Variants in ADAMTSL1 observed in about 807,000 individuals in gnomAD.
ADAMTSL1 encodes ADAMTS-like protein 1.
In ADAMTSL1, 126 loss-of-function variants were observed where a neutral mutation model predicts 201.8. That is an observed-to-expected ratio of 0.62 (90% CI 0.54 to 0.72). ADAMTSL1 has a LOEUF of 0.72. ADAMTSL1 is among the 30% of genes least tolerant of loss of function. The pLI, the probability that ADAMTSL1 is intolerant of heterozygous loss-of-function variation, is 0.00. For synonymous variants in ADAMTSL1, 1,121 were observed against 903.4 expected (o/e 1.24, Z -4.32); for missense variants, 2,679 against 2,277.8 (o/e 1.18, Z -3.59).
At chr9:18,449,038 C>T (rs1421713293) in intron 2 of ADAMTSL1, among the ~76,000 whole-genome samples, 1 of 151,732 alleles carries the variant, frequency 6.6e-6, no homozygotes, top group East Asian at 1.9e-4. Flanking sequence ...AGTGGATAAA[C>T]ATTTCTTGCC....
intron 2 of ADAMTSL1, among the ~76,000 whole-genome samples, chr9:18,379,447 C>T (rs766744482): frequency 3.9e-5 from 6 of 152,216 alleles, no homozygotes; most frequent in Non-Finnish European, 7.3e-5. Flanking sequence ...ACAAAATCCA[C>T]TGTTTTTGCT....
At chr9:18,873,400 G>C (rs1199307320) in intron 23 of ADAMTSL1, among the ~76,000 whole-genome samples, 1 of 152,038 alleles carries the variant, frequency 6.6e-6, no homozygotes, top group South Asian at 2.1e-4. Flanking sequence ...GGTTTTTCCA[G>C]TGTTACCTTC....
chr9:18,106,554 G>A (rs1376046127), intron 1 of ADAMTSL1, among the ~76,000 whole-genome samples: 4 of 152,184 alleles, frequency 2.6e-5, no homozygotes, highest in Non-Finnish European at 4.4e-5. Flanking sequence ...AAGACAGCCC[G>A]AGTTTAAGAT....
intron 3 of ADAMTSL1, among the ~76,000 whole-genome samples, chr9:18,555,705 A>T (rs1431426752): frequency 6.6e-6 from 1 of 152,008 alleles, no homozygotes; most frequent in Non-Finnish European, 1.5e-5. Context: ...CCAGGAAGTG[A>T]CACTTGAGCT....
At chr9:18,583,220 A>G (rs1012435516) in intron 4 of ADAMTSL1, among the ~76,000 whole-genome samples, 100 of 152,286 alleles carry the variant, frequency 6.6e-4, no homozygotes, top group Non-Finnish European at 7.8e-4. Context: ...CAGGATCCCC[A>G]TGCTGTGTGC....
chr9:18,888,837 A>G (rs370376499), intron 24 of ADAMTSL1, among the ~76,000 whole-genome samples: 47 of 152,360 alleles, frequency 3.1e-4, no homozygotes, highest in East Asian at 2.5e-3. Flanking sequence ...TTTTCTTCTT[A>G]AATATCCTCC....
At chr9:17,918,407 A>C (rs1826184911) in intron 1 of ADAMTSL1, among the ~76,000 whole-genome samples, 1 of 151,542 alleles carries the variant, frequency 6.6e-6, no homozygotes, top group African/African-American at 2.4e-5. Flanking sequence ...CTATTTAGAA[A>C]TGGTTGTTTG....
intron 2 of ADAMTSL1, among the ~76,000 whole-genome samples, chr9:18,520,337 A>G (rs967984414): frequency 1.3e-5 from 2 of 152,234 alleles, no homozygotes; most frequent in Non-Finnish European, 2.9e-5. Context: ...AGTCTCCACA[A>G]TAAGTTTTAG....
chr9:18,539,434 G>T (rs940011921), intron 3 of ADAMTSL1, among the ~76,000 whole-genome samples: 1 of 152,172 alleles, frequency 6.6e-6, no homozygotes, highest in African/African-American at 2.4e-5. Flanking sequence ...GCATACTCAG[G>T]GTCTGGCATT....
At chr9:18,606,744 C>T (rs1746820534) in intron 4 of ADAMTSL1, among the ~76,000 whole-genome samples, 1 of 152,166 alleles carries the variant, frequency 6.6e-6, no homozygotes, top group African/African-American at 2.4e-5. Context: ...CACCGTACTT[C>T]ATAAACACCA....
intron 23 of ADAMTSL1, among the ~76,000 whole-genome samples, chr9:18,830,633 A>G (rs1159257154): frequency 1.3e-5 from 2 of 152,084 alleles, no homozygotes; most frequent in African/African-American, 2.4e-5. Flanking sequence ...GGGCCCCCAC[A>G]CGAGAATCAT....
At chr9:18,701,022 G>C (rs1831891186) in intron 13 of ADAMTSL1, among the ~76,000 whole-genome samples, 1 of 152,002 alleles carries the variant, frequency 6.6e-6, no homozygotes, top group Non-Finnish European at 1.5e-5. Flanking sequence ...CTAGCTACAG[G>C]GCAACAATCA....
intron 2 of ADAMTSL1, among the ~76,000 whole-genome samples, chr9:18,191,210 G>A (rs1009267551): frequency 6.6e-6 from 1 of 152,070 alleles, no homozygotes; most frequent in East Asian, 1.9e-4. Context: ...CGGGGATAGG[G>A]GTCAGGGAAA....
intron 13 of ADAMTSL1, among the ~76,000 whole-genome samples, chr9:18,704,595 A>T (rs957963005): frequency 6.6e-6 from 1 of 152,238 alleles, no homozygotes; most frequent in Non-Finnish European, 1.5e-5. Flanking sequence ...TGATAAAATT[A>T]AATGCTTGTG....
intron 2 of ADAMTSL1, among the ~76,000 whole-genome samples, chr9:18,409,577 T>C (rs1431780000): frequency 2.6e-5 from 4 of 151,136 alleles, no homozygotes; most frequent in Non-Finnish European, 4.4e-5. Flanking sequence ...ATATACAGGG[T>C]TAAAATTTTT....
At chr9:18,217,596 G>T (rs1830099282) in intron 2 of ADAMTSL1, among the ~76,000 whole-genome samples, 1 of 152,036 alleles carries the variant, frequency 6.6e-6, no homozygotes, top group Non-Finnish European at 1.5e-5. Context: ...CAGATATATG[G>T]ACCATGATGG....
At chr9:18,334,650 A>G (rs1223766116) in intron 2 of ADAMTSL1, among the ~76,000 whole-genome samples, 1 of 152,172 alleles carries the variant, frequency 6.6e-6, no homozygotes, top group East Asian at 1.9e-4. Context: ...TAATTTCTGC[A>G]TTTCTTCCAA....
chr9:18,811,523 C>A (rs1823509507), intron 20 of ADAMTSL1, among the ~76,000 whole-genome samples: 1 of 152,194 alleles, frequency 6.6e-6, no homozygotes, highest in Admixed American at 6.5e-5. Flanking sequence ...ACTTGGGTAA[C>A]AAAAGAGGCC....
intron 1 of ADAMTSL1, among the ~76,000 whole-genome samples, chr9:18,481,401 T>C (rs1412417063): frequency 6.6e-6 from 1 of 152,036 alleles, no homozygotes; most frequent in Admixed American, 6.6e-5. Flanking sequence ...AAAAATTAGC[T>C]GGGCATGGTG....
Sources: gnomAD v4.1 joint callset for allele counts (sites outside exome capture counted in the v4.1 genomes callset) on GRCh38, gnomAD v4.1.1 for gene constraint, MANE v1.5 for transcripts, NCBI Gene and HGNC (gene_info 2026-07-23, HGNC 2026-07-21) for gene names.